Variants in SLC71A2 observed in about 807,000 individuals in gnomAD.
The protein encoded by SLC71A2 is hippocampus abundant transcript-like 1.
At chr9:94,436,200 C>T in the SLC71A2 span, among the ~76,000 whole-genome samples, 1 of 152,132 alleles carries the variant, frequency 6.6e-6, no homozygotes, top group Non-Finnish European at 1.5e-5. Context: ...GATGAATCTA[C>T]AGATACGGAG....
chr9:94,453,912 CTG>C, the SLC71A2 span: 4 of 1,256,654 alleles, frequency 3.2e-6, no homozygotes, highest in Middle Eastern at 2.1e-4. Flanking sequence ...TATTTTAATT[CTG>C]TGTGTTGATG....
At chr9:94,402,128 T>C in the SLC71A2 span, among the ~76,000 whole-genome samples, 1 of 152,210 alleles carries the variant, frequency 6.6e-6, no homozygotes, top group South Asian at 2.1e-4. Flanking sequence ...CTTTATGACC[T>C]GTATCTTGTG....
the SLC71A2 span, among the ~76,000 whole-genome samples, chr9:94,456,015 C>G: frequency 6.6e-6 from 1 of 152,056 alleles, no homozygotes; most frequent in Non-Finnish European, 1.5e-5. Flanking sequence ...AATCAAGACA[C>G]AAAGGTTTCC....
At chr9:94,440,889 C>A in the SLC71A2 span, 1 of 665,744 alleles carries the variant, frequency 1.5e-6, no homozygotes, top group East Asian at 2.7e-5. Flanking sequence ...ATACTTATTT[C>A]TTGGTGCGTA....
the SLC71A2 span, among the ~76,000 whole-genome samples, chr9:94,394,907 C>CTTTT: frequency 1.0e-5 from 1 of 95,852 alleles, no homozygotes; most frequent in Non-Finnish European, 2.3e-5. Context: ...TGTGGCAGTA[C>CTTTT]TTTTTTTGTT....
the SLC71A2 span, among the ~76,000 whole-genome samples, chr9:94,431,529 A>G: frequency 6.7e-6 from 1 of 149,830 alleles, no homozygotes; most frequent in South Asian, 2.1e-4. Flanking sequence ...TTTTTTTTAT[A>G]GCTGTATGTC....
the SLC71A2 span, among the ~76,000 whole-genome samples, chr9:94,382,471 T>C: frequency 2.4e-4 from 36 of 152,258 alleles, no homozygotes; most frequent in East Asian, 6.8e-3. Context: ...TGCAAGTCCC[T>C]CGTCAAATGA....
the SLC71A2 span, among the ~76,000 whole-genome samples, chr9:94,443,622 T>C: frequency 3.9e-5 from 6 of 152,306 alleles, 1 homozygote; most frequent in Middle Eastern, 6.8e-3. Context: ...AAGAGGAGTT[T>C]AGATAAAAAC....
At chr9:94,417,658 G>C in the SLC71A2 span, among the ~76,000 whole-genome samples, 4 of 152,266 alleles carry the variant, frequency 2.6e-5, 1 homozygote, top group East Asian at 7.7e-4. Context: ...ACCCAACTCT[G>C]TGATAGTTTG....
chr9:94,430,605 G>A, the SLC71A2 span, among the ~76,000 whole-genome samples: 2 of 152,078 alleles, frequency 1.3e-5, no homozygotes, highest in South Asian at 4.1e-4. Flanking sequence ...CCTAGAAAAC[G>A]CAGCACTTCT....
chr9:94,456,631 T>C, the SLC71A2 span, among the ~76,000 whole-genome samples: 1 of 152,210 alleles, frequency 6.6e-6, no homozygotes, highest in Non-Finnish European at 1.5e-5. Flanking sequence ...AGTGTCACAA[T>C]TAAGCAGACT....
At chr9:94,391,881 A>T in the SLC71A2 span, among the ~76,000 whole-genome samples, 1 of 152,092 alleles carries the variant, frequency 6.6e-6, no homozygotes, top group Non-Finnish European at 1.5e-5. Flanking sequence ...CCTGTGTCCA[A>T]AAAAAATTTT....
chr9:94,446,549 A>G, the SLC71A2 span, among the ~76,000 whole-genome samples: 1 of 152,154 alleles, frequency 6.6e-6, no homozygotes, highest in African/African-American at 2.4e-5. Context: ...GGATCTGTTC[A>G]GGGATTTTAA....
At chr9:94,419,594 T>C in the SLC71A2 span, among the ~76,000 whole-genome samples, 2 of 152,172 alleles carry the variant, frequency 1.3e-5, no homozygotes, top group Non-Finnish European at 2.9e-5. Context: ...CGTGAGCCAC[T>C]GCACCCGGCC....
At chr9:94,416,005 T>G in the SLC71A2 span, among the ~76,000 whole-genome samples, 2 of 152,112 alleles carry the variant, frequency 1.3e-5, no homozygotes, top group Non-Finnish European at 2.9e-5. Context: ...AAATTTCAGT[T>G]TTTCGTAGCT....
At chr9:94,455,378 A>ATTTTTTTTTTTTTTTT in the SLC71A2 span, among the ~76,000 whole-genome samples, 22 of 85,778 alleles carry the variant, frequency 2.6e-4, no homozygotes, top group Admixed American at 8.8e-4. Flanking sequence ...TAATATTCTG[A>ATTTTTTTTTTTTTTTT]TTTTTTTTTT....
the SLC71A2 span, among the ~76,000 whole-genome samples, chr9:94,452,083 G>A: frequency 3.3e-5 from 5 of 152,196 alleles, no homozygotes; most frequent in Non-Finnish European, 5.9e-5. Flanking sequence ...AATATTTGTC[G>A]TAACCTCTGC....
the SLC71A2 span, among the ~76,000 whole-genome samples, chr9:94,382,942 C>G: frequency 1.3e-5 from 2 of 152,186 alleles, no homozygotes; most frequent in Non-Finnish European, 2.9e-5. Context: ...ATCCACCTGC[C>G]TCGGCCTCCC....
At chr9:94,387,136 A>C in the SLC71A2 span, among the ~76,000 whole-genome samples, 1 of 152,054 alleles carries the variant, frequency 6.6e-6, no homozygotes, top group Non-Finnish European at 1.5e-5. Context: ...TCTCATGTCT[A>C]CTGTGACATT....
Sources: gnomAD v4.1 joint callset for allele counts (sites outside exome capture counted in the v4.1 genomes callset) on GRCh38, gnomAD v4.1.1 for gene constraint, MANE v1.5 for transcripts, NCBI Gene and HGNC (gene_info 2026-07-23, HGNC 2026-07-21) for gene names.